DNAH9: variants seen among roughly 807,000 people sequenced by gnomAD.
DNAH9 encodes the protein dynein axonemal heavy chain 9, also known as DNAH9 variant protein.
DNAH9 carries 345 observed loss-of-function variants against 471.6 expected under a neutral mutation model. The ratio of observed to expected loss-of-function variants is 0.73; its 90% CI spans 0.67 to 0.80. The LOEUF (loss-of-function observed/expected upper bound fraction) is 0.80, where lower values mean the gene tolerates loss of function less well. Ranked by LOEUF, DNAH9 falls within the 30% of genes least tolerant of loss-of-function variation. DNAH9 has a pLI of 0.00. For missense variants in DNAH9, 5,407 were observed against 5,609.2 expected (o/e 0.96, Z 1.15); for synonymous variants, 2,093 against 2,123.6 (o/e 0.99, Z 0.40).
intron 28 of DNAH9, among the ~76,000 whole-genome samples, chr17:11,733,698 A>G (rs2075302419): frequency 6.6e-6 from 1 of 152,058 alleles, no homozygotes; most frequent in Admixed American, 6.6e-5. Context: ...TCTACTAAAA[A>G]ATACAAAAAA....
chr17:11,760,103 TA>T (rs1282702868), intron 35 of DNAH9, among the ~76,000 whole-genome samples: 1 of 152,202 alleles, frequency 6.6e-6, no homozygotes, highest in Non-Finnish European at 1.5e-5. Flanking sequence ...ATTATAGGTA[TA>T]AGCCACTGTG....
intron 26 of DNAH9, among the ~76,000 whole-genome samples, chr17:11,714,239 C>T (rs1183980641): frequency 1.3e-5 from 2 of 152,192 alleles, no homozygotes; most frequent in African/African-American, 4.8e-5. Context: ...TTCATCTACC[C>T]ACATCTCCTC....
chr17:11,932,314 T>G lies in DNAH9; in HGVS notation c.12297+109T>G, dbSNP rs1383724766. 1 of 1,142,370 alleles carries G rather than the reference T, an allele frequency of 8.8e-7. No individual in the cohort carries two copies. Among genetic ancestry groups the G allele is most frequent in the Non-Finnish European group, 1.2e-6 (1 of 820,570 alleles). The allele number at this position is 1,142,370 out of a possible 1,614,324, so 70.8% of individuals were successfully genotyped here. The stretch of plus-strand genomic sequence containing the variant: ...TAGGATGGGGCCTGAGAATGTGCAT[T>G]TCTAACAAGCTCCCTCGTGATGCAG... On this transcript the variant is annotated intron_variant, in intron 64 of 68. Transcript: ENST00000262442. This position sits in a 1 kb window ranked among gnomAD's most constrained non-coding sequence, Gnocchi z 4.3.
At chr17:11,679,026 C>A (rs1341043845) in intron 17 of DNAH9, among the ~76,000 whole-genome samples, 1 of 152,030 alleles carries the variant, frequency 6.6e-6, no homozygotes, top group Non-Finnish European at 1.5e-5. Context: ...TTATATTTTC[C>A]ATTTTTAGAT....
At chr17:11,807,982 C>T in intron 44 of DNAH9, 88 bp downstream of exon 44, 1 of 1,404,680 alleles carries the variant, frequency 7.1e-7, no homozygotes. Flanking sequence ...CTCCAGTTCC[C>T]CTGTCTGGAG....
chr17:11,629,575 C>T lies in DNAH9; in HGVS notation c.1509C>T (p.Leu503=). ...GATCCTCCTCCGACTGCCTGTACCT[C>T]CAAAGCACGGTAGGGTTGGGAAGGG... ...LSGSSSDCLY[L]QSTDFENDVS... Residue 503 remains leucine (L), a synonymous_variant, in exon 7 of 69, where the codon CTC becomes CTT. Coordinates refer to ENST00000262442, the MANE Select transcript of DNAH9 (RefSeq NM_001372.4). 1 of 1,613,316 alleles carries T rather than the reference C, an allele frequency of 6.2e-7. No individual in the cohort carries two copies. Among genetic ancestry groups the T allele is most frequent in the East Asian group, 2.2e-5 (1 of 44,868 alleles).
At chr17:11,613,309 G>C (rs553442349) in intron 4 of DNAH9, among the ~76,000 whole-genome samples, 2 of 152,202 alleles carry the variant, frequency 1.3e-5, no homozygotes. Context: ...AATGACTAGG[G>C]GAAAGTTTTT....
chr17:11,640,954 C>T (rs1326503845), intron 10 of DNAH9, among the ~76,000 whole-genome samples: 2 of 152,126 alleles, frequency 1.3e-5, no homozygotes, highest in Non-Finnish European at 2.9e-5. Context: ...AGGTTAGAAG[C>T]TGAGATAGAA....
At chr17:11,740,400 G>A (rs1379670635) in intron 29 of DNAH9, among the ~76,000 whole-genome samples, 5 of 152,126 alleles carry the variant, frequency 3.3e-5, no homozygotes, top group African/African-American at 4.8e-5. Context: ...GTGCCAGCAC[G>A]GTCAGGCTCT....
intron 27 of DNAH9, among the ~76,000 whole-genome samples, chr17:11,721,091 A>C (rs894815398): frequency 1.3e-5 from 2 of 152,138 alleles, no homozygotes; most frequent in Non-Finnish European, 2.9e-5. Flanking sequence ...ATTGAAGAAA[A>C]TCAGCCAGAT....
chr17:11,628,148 C>T lies in DNAH9; in HGVS notation c.1351-1269C>T, dbSNP rs537961535. 1.5e-4 allele frequency among the ~76,000 whole-genome samples: 23 copies of T among 152,302 alleles called. No individual in the cohort carries two copies. The South Asian group carries it at 2.7e-3, about 18-fold the overall frequency. ...CTTTCCTGCCTAAGGAATGTGCACA[C>T]AAATTGGAAGTCATGACAAGAAACA... On this transcript the variant is annotated intron_variant, in intron 6 of 68. Transcript: ENST00000262442.
At chr17:11,949,557 C>T (rs1296035542) in intron 67 of DNAH9, among the ~76,000 whole-genome samples, 1 of 152,006 alleles carries the variant, frequency 6.6e-6, no homozygotes, top group Non-Finnish European at 1.5e-5. Flanking sequence ...TCTCAGCTCA[C>T]CGCAACCTCT....
At chr17:11,742,757 C>T (rs1476883009) in intron 30 of DNAH9, among the ~76,000 whole-genome samples, 2 of 152,160 alleles carry the variant, frequency 1.3e-5, no homozygotes, top group Non-Finnish European at 2.9e-5. Flanking sequence ...AAAATTGCAC[C>T]TTAGCAAAAC....
At chr17:11,772,160 A>G (rs932980096) in intron 38 of DNAH9, among the ~76,000 whole-genome samples, 2 of 152,102 alleles carry the variant, frequency 1.3e-5, no homozygotes, top group Admixed American at 6.5e-5. Flanking sequence ...AGTATTCCAG[A>G]GGAATGTTTT....
chr17:11,900,814 C>T (rs1385060587), intron 59 of DNAH9, among the ~76,000 whole-genome samples: 1 of 152,118 alleles, frequency 6.6e-6, no homozygotes, highest in Non-Finnish European at 1.5e-5. Flanking sequence ...TCTCGTCTAG[C>T]TTTTCATGTC....
intron 10 of DNAH9, among the ~76,000 whole-genome samples, chr17:11,641,860 C>G (rs117922274): frequency 0.024 from 3,721 of 152,194 alleles, 89 homozygotes; most frequent in Non-Finnish European, 0.035. Flanking sequence ...GGAAACAGAT[C>G]GGGCAGAGAA....
intron 19 of DNAH9, among the ~76,000 whole-genome samples, chr17:11,685,434 CTAAGTA>C (rs1337153018): frequency 3.9e-5 from 6 of 152,192 alleles, no homozygotes; most frequent in African/African-American, 9.6e-5. Context: ...ACTGAGGAGT[CTAAGTA>C]TGACAAAAAC....
chr17:11,627,774 T>C (rs968410848), intron 6 of DNAH9, among the ~76,000 whole-genome samples: 2 of 152,056 alleles, frequency 1.3e-5, no homozygotes, highest in Admixed American at 1.3e-4. Context: ...CAAACATACA[T>C]AGCTGAGCAA....
intron 14 of DNAH9, among the ~76,000 whole-genome samples, chr17:11,657,520 T>C (rs940354054): frequency 1.3e-5 from 2 of 152,084 alleles, no homozygotes; most frequent in Non-Finnish European, 2.9e-5. Flanking sequence ...TTCTTATTGA[T>C]ATATGTTGAT....
Sources: gnomAD v4.1 joint callset for allele counts (sites outside exome capture counted in the v4.1 genomes callset) on GRCh38, gnomAD v4.1.1 for gene constraint, Gnocchi (gnomAD v3.1) non-coding constraint, MANE v1.5 for transcripts, NCBI Gene and HGNC (gene_info 2026-07-23, HGNC 2026-07-21) for gene names.